Variants in PLEKHA5 observed in about 807,000 individuals in gnomAD.
PLEKHA5 encodes the protein pleckstrin homology domain-containing family A member 5.
Under a neutral mutation model 181.9 loss-of-function variants are expected in PLEKHA5, and 55 were observed. The ratio of observed to expected loss-of-function variants is 0.30; its 90% CI spans 0.24 to 0.38. The LOEUF (loss-of-function observed/expected upper bound fraction) is 0.38. Ranked by LOEUF, PLEKHA5 falls within the 10% of genes least tolerant of loss-of-function variation. PLEKHA5 has a pLI of 1.00. For synonymous variants in PLEKHA5, 535 were observed against 529.4 expected (o/e 1.01, Z -0.15); for missense variants, 1,432 against 1,549.5 (o/e 0.92, Z 1.27).
At chr12:19,185,660 T>C (rs1051607986) in intron 3 of PLEKHA5, among the ~76,000 whole-genome samples, 20 of 152,292 alleles carry the variant, frequency 1.3e-4, no homozygotes, top group Non-Finnish European at 2.4e-4. Flanking sequence ...TTAAGCTAAT[T>C]TGAATTGGAT....
At position 19,252,740 on chromosome 12, in the gene PLEKHA5, C is replaced by T. The variant is rs77536661; in HGVS notation, c.228-1200C>T. On this transcript the variant is annotated intron_variant, in intron 3 of 31. Coordinates refer to ENST00000429027, the MANE Select transcript of PLEKHA5 (RefSeq NM_001256470.2). ...AGATTTCATTTTTTTCTACAACATACCTTCCTCAAGTGTCAAAAAATTAAT... is the reference window on the plus strand; with the variant it reads ...AGATTTCATTTTTTTCTACAACATATCTTCCTCAAGTGTCAAAAAATTAAT... Among the ~76,000 whole-genome samples the T allele has an allele frequency of 1.4e-4, 21 of 152,066 alleles. No homozygotes were observed. The East Asian group carries it at 3.7e-3, about 27-fold the overall frequency.
intron 5 of PLEKHA5, 145 bp downstream of exon 5, chr12:19,255,310 C>T (rs2066563353): frequency 2.2e-6 from 1 of 462,622 alleles, no homozygotes. Context: ...GAAGCAACAG[C>T]CCGAAATACA....
At chr12:19,257,643 T>A in intron 6 of PLEKHA5, 106 bp downstream of exon 6, 2 of 672,440 alleles carry the variant, frequency 3.0e-6, no homozygotes, top group Non-Finnish European at 5.1e-6. Flanking sequence ...AAGAAGGAAC[T>A]ATGGAGAAGC....
At chr12:19,342,483 C>G (rs1018681351) in intron 21 of PLEKHA5, among the ~76,000 whole-genome samples, 1 of 151,976 alleles carries the variant, frequency 6.6e-6, no homozygotes, top group African/African-American at 2.4e-5. Context: ...ATGGTGAAAC[C>G]CCATCTCTAC....
chr12:19,133,546 A>T (rs1478342317), intron 3 of PLEKHA5, among the ~76,000 whole-genome samples: 1 of 152,056 alleles, frequency 6.6e-6, no homozygotes, highest in East Asian at 1.9e-4. Context: ...TTGAGCCTAG[A>T]AAGTTATTTT....
chr12:19,322,540 T>A lies in PLEKHA5; in HGVS notation c.2321T>A (p.Leu774Gln). Residue 774 changes from leucine to glutamine, a missense_variant, in exon 20 of 32, where the codon CTA becomes CAA. By Grantham distance (113) the Leu-to-Gln change is moderately radical. Transcript: ENST00000429027. ...KEKYTLEQALLSASQEIEMHA... is the reference protein window; with the variant it reads ...KEKYTLEQALQSASQEIEMHA... ...TAGTACACGCTTGAGCAAGCTTTGC[T>A]ATCAGCCAGCCAAGAGATAGAAATG... 3 of 1,614,056 alleles carry A rather than the reference T, an allele frequency of 1.9e-6. No homozygotes were observed. The highest frequency in any genetic ancestry group is 2.5e-6 in the Non-Finnish European group (3 of 1,179,908).
intron 25 of PLEKHA5, among the ~76,000 whole-genome samples, chr12:19,353,506 C>T (rs191152455): frequency 2.7e-5 from 4 of 150,108 alleles, no homozygotes; most frequent in Admixed American, 1.3e-4. Context: ...TTGTTGCCCA[C>T]GCTGGTGCAA....
intron 21 of PLEKHA5, among the ~76,000 whole-genome samples, chr12:19,337,256 G>C (rs142449229): frequency 3.4e-3 from 524 of 152,006 alleles, no homozygotes; most frequent in African/African-American, 0.012. Context: ...CTATAAAATA[G>C]AAATAATAAT....
chr12:19,152,739 TACTC>T (rs2040730335), intron 3 of PLEKHA5: 1 of 152,182 alleles, frequency 6.6e-6, no homozygotes, highest in African/African-American at 2.4e-5. Flanking sequence ...CTGCACATGA[TACTC>T]AGCTTAAAAT....
At chr12:19,205,919 G>A (rs887436386) in intron 3 of PLEKHA5, among the ~76,000 whole-genome samples, 7 of 151,970 alleles carry the variant, frequency 4.6e-5, no homozygotes, top group African/African-American at 1.2e-4. Context: ...ACAGTAATAT[G>A]TACACATATT....
chr12:19,280,752 A>C (rs1047769696), intron 11 of PLEKHA5, among the ~76,000 whole-genome samples: 8 of 149,176 alleles, frequency 5.4e-5, no homozygotes, highest in African/African-American at 7.4e-5. Flanking sequence ...TTTTTTTGAG[A>C]CAGAGTGTCT....
chr12:19,166,465 G>T (rs547681783), intron 3 of PLEKHA5, among the ~76,000 whole-genome samples: 1 of 151,594 alleles, frequency 6.6e-6, no homozygotes, highest in African/African-American at 2.4e-5. Flanking sequence ...GGTTTTTTGC[G>T]CCCGTACTCA....
intron 6 of PLEKHA5, among the ~76,000 whole-genome samples, chr12:19,258,884 T>C (rs1309820427): frequency 3.3e-5 from 5 of 152,104 alleles, no homozygotes; most frequent in Non-Finnish European, 1.5e-5. Context: ...ATAGAAAATT[T>C]TCTCCATATT....
chr12:19,284,645 AT>A (rs1017121314), intron 12 of PLEKHA5, among the ~76,000 whole-genome samples: 99 of 152,360 alleles, frequency 6.5e-4, no homozygotes, highest in African/African-American at 2.3e-3. Flanking sequence ...AGTATAGATT[AT>A]TTGAAGTGAA....
intron 3 of PLEKHA5, among the ~76,000 whole-genome samples, chr12:19,211,844 CT>C (rs1452661001): frequency 6.6e-6 from 1 of 152,154 alleles, no homozygotes; most frequent in Non-Finnish European, 1.5e-5. Flanking sequence ...TTTAAAGTTA[CT>C]TACCTTTTTT....
intron 15 of PLEKHA5, among the ~76,000 whole-genome samples, chr12:19,310,706 T>C (rs2086179045): frequency 6.6e-6 from 1 of 151,650 alleles, no homozygotes. Flanking sequence ...TGCTTTGAGC[T>C]CAGAACTTCA....
chr12:19,144,674 GTATTCAAAAGAAT>G (rs1159182254), intron 3 of PLEKHA5, among the ~76,000 whole-genome samples: 1 of 152,178 alleles, frequency 6.6e-6, no homozygotes, highest in African/African-American at 2.4e-5. Context: ...TTGAAGCAAT[GTATTCAAAAGAAT>G]TTGGAGACCA....
At chr12:19,356,326 G>A (rs1485917143) in intron 26 of PLEKHA5, among the ~76,000 whole-genome samples, 1 of 151,912 alleles carries the variant, frequency 6.6e-6, no homozygotes, top group Non-Finnish European at 1.5e-5. Flanking sequence ...ACTAGCCTGA[G>A]CAACATAAGG....
At chr12:19,289,025 A>C (rs1182132692) in intron 13 of PLEKHA5, among the ~76,000 whole-genome samples, 1 of 152,184 alleles carries the variant, frequency 6.6e-6, no homozygotes, top group Non-Finnish European at 1.5e-5. Context: ...TAGAATATCT[A>C]AATCCCTTTG....
Sources: allele counts gnomAD v4.1 joint callset (sites outside exome capture counted in the v4.1 genomes callset), GRCh38; gene constraint gnomAD v4.1.1; transcripts MANE v1.5; gene names NCBI Gene and HGNC (gene_info 2026-07-23, HGNC 2026-07-21).